Variants in PLCG2 observed in about 807,000 individuals in gnomAD.
The protein encoded by PLCG2 is phospholipase C gamma 2.
A neutral mutation model predicts 175.6 loss-of-function variants in PLCG2; 69 were observed. That is an observed-to-expected ratio of 0.39 (90% CI 0.32 to 0.48). The LOEUF is 0.48. PLCG2 is among the 20% of genes least tolerant of loss of function. PLCG2 has a pLI of 0.91. For missense variants in PLCG2, 1,798 were observed against 1,650.9 expected, an observed-to-expected ratio of 1.09 and a Z score of -1.54; for synonymous variants, 827 against 624.0, an observed-to-expected ratio of 1.33 and a Z score of -4.85.
In PLCG2 at chr16:81,902,629, C is replaced by G. The variant is rs548560632; in HGVS notation, c.1362+1849C>G. On this transcript the variant is annotated intron_variant, in intron 14 of 32. Transcript: ENST00000564138. ...ACTCTCATTCCCACTTATGAGAGCT[C>G]TACCCTCATTCCCATTCATAAAAGC... 2.0e-5 allele frequency among the ~76,000 whole-genome samples: 3 copies of G among 152,222 alleles called. No individual in the cohort carries two copies. In the South Asian group the frequency reaches 6.2e-4, roughly 32 times the overall value.
chr16:81,929,563 T>A lies in PLCG2; in HGVS notation c.2581+939T>A, dbSNP rs190027235. 8.5e-5 allele frequency among the ~76,000 whole-genome samples: 13 copies of A among 152,204 alleles called. No individual in the cohort carries two copies. In the East Asian group the frequency reaches 2.3e-3, roughly 27 times the overall value. ...GGCATGGGCCACCGTGCCTGGCTAA[T>A]TTTTGTATTTTTAGTAGAGCTAGGG... On this transcript the variant is annotated intron_variant, in intron 24 of 32. Coordinates refer to ENST00000564138, the MANE Select transcript of PLCG2 (RefSeq NM_002661.5).
chr16:81,757,444 A>G (rs1909952977), intron 2 of PLCG2, among the ~76,000 whole-genome samples: 1 of 152,138 alleles, frequency 6.6e-6, no homozygotes, highest in South Asian at 2.1e-4. Context: ...GGTGGCTGTA[A>G]TCCCAGCTAC....
chr16:81,854,941 G>T (rs1906606584), intron 3 of PLCG2, among the ~76,000 whole-genome samples: 1 of 151,986 alleles, frequency 6.6e-6, no homozygotes, highest in Non-Finnish European at 1.5e-5. Context: ...ATGTACGCTG[G>T]GCTCATCCCT....
chr16:81,778,496 G>T (rs1409579119), upstream of PLCG2, among the ~76,000 whole-genome samples: 1 of 152,216 alleles, frequency 6.6e-6, no homozygotes, highest in Non-Finnish European at 1.5e-5. Context: ...CATAGGAAGG[G>T]TTTGAATCAG....
At chr16:81,863,759 G>C (rs1466854513) in intron 5 of PLCG2, among the ~76,000 whole-genome samples, 5 of 152,170 alleles carry the variant, frequency 3.3e-5, no homozygotes, top group African/African-American at 1.2e-4. Context: ...TGCCCCCTTG[G>C]CGTATAACAT....
intron 2 of PLCG2, among the ~76,000 whole-genome samples, chr16:81,799,866 T>C (rs945877615): frequency 2.0e-5 from 3 of 152,224 alleles, no homozygotes; most frequent in Admixed American, 1.3e-4. Flanking sequence ...GTGCTGGGAT[T>C]ACAGGTGTGA....
chr16:81,761,828 C>T (rs1175441155), intron 2 of PLCG2, among the ~76,000 whole-genome samples: 3 of 144,776 alleles, frequency 2.1e-5, no homozygotes, highest in African/African-American at 8.1e-5. Flanking sequence ...TCACCCTGCA[C>T]ATTTTTTTTT....
At chr16:81,774,056 GCA>G (rs1414972539) in intron 2 of PLCG2, among the ~76,000 whole-genome samples, 2 of 151,804 alleles carry the variant, frequency 1.3e-5, no homozygotes, top group Non-Finnish European at 2.9e-5. Flanking sequence ...CATGGGTCGG[GCA>G]CAGTGACTTA....
intron 30 of PLCG2, 151 bp from the exon 31 acceptor site, chr16:81,946,024 C>T (rs1476328874): frequency 3.0e-6 from 2 of 663,770 alleles, no homozygotes; most frequent in African/African-American, 3.6e-5. Context: ...CAGGATAGGA[C>T]CTCTGGCTTC....
intron 30 of PLCG2, among the ~76,000 whole-genome samples, chr16:81,945,147 G>A (rs534430457): frequency 1.9e-4 from 29 of 152,268 alleles, no homozygotes; most frequent in East Asian, 5.8e-4. Context: ...CATAAGCAGC[G>A]GAAAGTGAGA....
chr16:81,802,892 C>T (rs946706421), intron 2 of PLCG2, among the ~76,000 whole-genome samples: 1 of 152,068 alleles, frequency 6.6e-6, no homozygotes. Flanking sequence ...TATAATGTAC[C>T]CCTTAATGTA....
intron 25 of PLCG2, among the ~76,000 whole-genome samples, chr16:81,931,952 A>T (rs1222766554): frequency 6.6e-6 from 1 of 152,158 alleles, no homozygotes; most frequent in Non-Finnish European, 1.5e-5. Context: ...CTTACCAAGG[A>T]AGTTACTGCC....
intron 2 of PLCG2, among the ~76,000 whole-genome samples, chr16:81,768,861 C>G (rs1467324290): frequency 6.6e-6 from 1 of 152,130 alleles, no homozygotes; most frequent in Non-Finnish European, 1.5e-5. Context: ...GCCACCGTGC[C>G]CAGCCTATTG....
At chr16:81,860,395 G>C (rs576826135) in intron 5 of PLCG2, among the ~76,000 whole-genome samples, 16 of 152,114 alleles carry the variant, frequency 1.1e-4, no homozygotes, top group Non-Finnish European at 4.4e-5. Flanking sequence ...AGGGAGCTGT[G>C]AGTGGGGTAA....
At chr16:81,758,179 T>A (rs1212842629) in intron 2 of PLCG2, among the ~76,000 whole-genome samples, 1 of 152,108 alleles carries the variant, frequency 6.6e-6, no homozygotes, top group East Asian at 1.9e-4. Context: ...GGTTTCGCGG[T>A]GTTCCTCAGG....
Position 81,961,766 on chromosome 16 carries a change from C to A in PLCG2, c.*3768C>A, listed in dbSNP as rs553314444. On this transcript the variant is annotated 3_prime_UTR_variant, in exon 33 of 33. Transcript: ENST00000564138. The stretch of plus-strand genomic sequence containing the variant: ...CCTGGGCTAAATTTAAAAAGTAATA[C>A]AACAGTTTTATTTAAACATGTAGTG... The A allele has an allele frequency of 1.3e-4, 26 of 204,478 alleles. No individual in the cohort carries two copies. Among genetic ancestry groups the A allele is most frequent in the African/African-American group, 4.1e-4 (18 of 43,874 alleles). The allele number at this position is 204,478 out of a possible 1,614,324, so 12.7% of individuals were successfully genotyped here.
At chr16:81,796,982 C>G (rs1177351664) in intron 2 of PLCG2, among the ~76,000 whole-genome samples, 1 of 152,218 alleles carries the variant, frequency 6.6e-6, no homozygotes, top group Non-Finnish European at 1.5e-5. Context: ...CATTCAGCCA[C>G]TGATACTATG....
chr16:81,744,147 C>G (rs1909655717), intron 1 of PLCG2, among the ~76,000 whole-genome samples: 1 of 150,836 alleles, frequency 6.6e-6, no homozygotes. Context: ...TGTGAGCCAC[C>G]GTGCCCAGCC....
chr16:81,907,378 C>A (rs943929984), intron 15 of PLCG2, among the ~76,000 whole-genome samples: 1 of 151,480 alleles, frequency 6.6e-6, no homozygotes, highest in Non-Finnish European at 1.5e-5. Context: ...GCTGGGAAAT[C>A]CTGAAAGTTT....
Sources: allele counts gnomAD v4.1 joint callset (sites outside exome capture counted in the v4.1 genomes callset), GRCh38; gene constraint gnomAD v4.1.1; transcripts MANE v1.5; gene names NCBI Gene and HGNC (gene_info 2026-07-23, HGNC 2026-07-21).